TMCO4: variants seen among roughly 807,000 people sequenced by gnomAD.
TMCO4 encodes the protein transmembrane and coiled-coil domains 4, also known as transmembrane and coiled-coil domain-containing protein 4.
In TMCO4, 58 loss-of-function variants were observed where a neutral mutation model predicts 64.7. That is an observed-to-expected ratio of 0.90 (90% CI 0.73 to 1.12). The LOEUF (loss-of-function observed/expected upper bound fraction) is 1.12. Ranked by LOEUF, TMCO4 falls within the 50% of genes most tolerant of loss-of-function variation. The pLI, the probability that TMCO4 is intolerant of heterozygous loss-of-function variation, is 0.00. For synonymous variants in TMCO4, 325 were observed against 346.1 expected, an observed-to-expected ratio of 0.94 and a Z score of 0.68; for missense variants, 780 against 825.9, an observed-to-expected ratio of 0.94 and a Z score of 0.68.
At chr1:19,756,403 G>T (rs1413573944) in intron 6 of TMCO4, among the ~76,000 whole-genome samples, 2 of 151,966 alleles carry the variant, frequency 1.3e-5, no homozygotes, top group African/African-American at 2.4e-5. Flanking sequence ...GAGGGCAACT[G>T]GACAATAAGT....
Position 19,796,042 on chromosome 1 carries a change from CT to C in TMCO4, c.-101+2094del, listed in dbSNP as rs1346795254. Among the ~76,000 whole-genome samples, 4 of 152,362 alleles carry C rather than the reference CT, an allele frequency of 2.6e-5. No homozygotes were observed. The East Asian group carries it at 7.7e-4, about 29-fold the overall frequency. On this transcript the variant is annotated intron_variant, in intron 2 of 15. Transcript: ENST00000294543. Reference sequence around the variant, plus strand: ...GGCTGTTCTCTCCGTCTGGGTCCCCCTGTCCAAATAGTGCCCTTTCCAAAAG... The same window carrying C: ...GGCTGTTCTCTCCGTCTGGGTCCCCCGTCCAAATAGTGCCCTTTCCAAAAG...
Position 19,780,663 on chromosome 1 carries a change from C to T in TMCO4, c.96G>A (p.Arg32=). The change falls in exon 4 of 16, where the codon CGG becomes CGA. Residue 32 remains arginine, a synonymous_variant. Transcript: ENST00000294543. ...AEGEPHLPTG[R]ELTEANRFAY... Reference sequence around the variant, plus strand: ...CGAAGCGGTTGGCCTCAGTCAGCTCCCGGCCCGTGGGCAGGTGTGGCTCCC... The same window carrying T: ...CGAAGCGGTTGGCCTCAGTCAGCTCTCGGCCCGTGGGCAGGTGTGGCTCCC... 1 of 1,613,890 alleles carries T rather than the reference C, an allele frequency of 6.2e-7. No homozygotes were observed. The highest frequency in any genetic ancestry group is 8.5e-7 in the Non-Finnish European group (1 of 1,179,938).
intron 10 of TMCO4, 78 bp from the exon 11 acceptor site, chr1:19,741,019 C>A (rs772855958): frequency 8.5e-6 from 12 of 1,418,428 alleles, no homozygotes; most frequent in Non-Finnish European, 1.1e-5. Flanking sequence ...AGACAAGGAG[C>A]ACCAGGACCA....
At chr1:19,779,893 A>G (rs2043380589) in intron 4 of TMCO4, among the ~76,000 whole-genome samples, 1 of 152,184 alleles carries the variant, frequency 6.6e-6, no homozygotes, top group East Asian at 1.9e-4. Flanking sequence ...TCATACCTGG[A>G]ATACAGTAAG....
At chr1:19,737,341 G>T in intron 13 of TMCO4, 31 bp downstream of exon 13, 1 of 1,600,142 alleles carries the variant, frequency 6.2e-7, no homozygotes, top group Non-Finnish European at 8.6e-7. Flanking sequence ...CTTGTGAAGG[G>T]TTTCCGTCTG....
At chr1:19,748,143 G>A (rs948231860) in intron 7 of TMCO4, among the ~76,000 whole-genome samples, 1 of 152,234 alleles carries the variant, frequency 6.6e-6, no homozygotes, top group Non-Finnish European at 1.5e-5. Flanking sequence ...AGGGATAACA[G>A]TCACTACCTC....
At chr1:19,778,395 T>G (rs2043310154) in intron 4 of TMCO4, among the ~76,000 whole-genome samples, 1 of 152,138 alleles carries the variant, frequency 6.6e-6, no homozygotes, top group Non-Finnish European at 1.5e-5. Flanking sequence ...TGCCTCAGCC[T>G]CCTGAGTGGC....
intron 13 of TMCO4, among the ~76,000 whole-genome samples, chr1:19,733,135 C>A (rs945607721): frequency 2.0e-5 from 3 of 151,938 alleles, no homozygotes; most frequent in African/African-American, 7.2e-5. Flanking sequence ...GGCAATGTTG[C>A]GGGCACGTGT....
At chr1:19,771,233 AT>A (rs2042966448) in intron 5 of TMCO4, 74 bp downstream of exon 5, 2 of 1,529,078 alleles carry the variant, frequency 1.3e-6, no homozygotes, top group African/African-American at 2.7e-5. Flanking sequence ...ACTAGAAGTG[AT>A]TTTTTAGGCT....
intron 6 of TMCO4, among the ~76,000 whole-genome samples, chr1:19,769,140 G>T (rs1040995025): frequency 6.6e-6 from 1 of 152,082 alleles, no homozygotes; most frequent in African/African-American, 2.4e-5. Context: ...CCCTGAAAGG[G>T]TCACTGGAGA....
chr1:19,691,121 G>C lies in TMCO4; in HGVS notation c.1500+3313C>G, dbSNP rs914967700. ...CTGACCTCGTGATCTGCCCGCCTTG[G>C]CCTCCCAAAGTGCTGGGATTACAGG... On this transcript the variant is annotated intron_variant, in intron 15 of 15. Coordinates refer to ENST00000294543, the MANE Select transcript of TMCO4 (RefSeq NM_181719.7). Among the ~76,000 whole-genome samples the C allele has an allele frequency of 2.6e-5, 4 of 152,074 alleles. No individual in the cohort carries two copies. In the East Asian group the frequency reaches 7.7e-4, roughly 29 times the overall value.
intron 15 of TMCO4, among the ~76,000 whole-genome samples, chr1:19,686,548 G>A (rs1013503350): frequency 4.5e-4 from 68 of 152,256 alleles, no homozygotes; most frequent in African/African-American, 1.5e-3. Flanking sequence ...CCCACCTCTC[G>A]TTCCTTTCCT....
chr1:19,699,337 G>A (rs2095256467), intron 14 of TMCO4, among the ~76,000 whole-genome samples: 1 of 151,978 alleles, frequency 6.6e-6, no homozygotes, highest in Admixed American at 6.6e-5. Context: ...GTACAGGAGG[G>A]ACTATTATTC....
rs78559024 is a variant in TMCO4 at position 19,694,936 on chromosome 1, C to T, written c.1383-385G>A. ...GTCACCATGTGGCTCAGGAGAGCTA[C>T]TCCCAGCTCGGGAAAGGTGGCTTGT... On this transcript the variant is annotated intron_variant, in intron 14 of 15. Transcript: ENST00000294543. 7.4e-3 allele frequency among the ~76,000 whole-genome samples: 1,131 copies of T among 152,352 alleles called. 19 individuals carry two copies. The highest frequency in any genetic ancestry group is 0.023 in the African/African-American group (954 of 41,582).
chr1:19,733,717 A>G (rs1324421970), intron 13 of TMCO4, among the ~76,000 whole-genome samples: 3 of 152,180 alleles, frequency 2.0e-5, no homozygotes, highest in African/African-American at 7.2e-5. Flanking sequence ...GGAAAGACAG[A>G]TGAGCAAGCA....
intron 7 of TMCO4, among the ~76,000 whole-genome samples, chr1:19,752,120 C>T (rs76515816): frequency 0.013 from 1,939 of 152,100 alleles, 19 homozygotes; most frequent in Non-Finnish European, 0.019. Context: ...CAGCACTATA[C>T]TCTTGCAATT....
At chr1:19,781,485 G>A (rs2043474344) in intron 3 of TMCO4, among the ~76,000 whole-genome samples, 1 of 149,258 alleles carries the variant, frequency 6.7e-6, no homozygotes, top group South Asian at 2.1e-4. Context: ...AAACCCAATA[G>A]CCAATAAGTA....
intron 6 of TMCO4, among the ~76,000 whole-genome samples, chr1:19,770,010 A>C (rs1396762436): frequency 7.1e-6 from 1 of 140,476 alleles, no homozygotes; most frequent in African/African-American, 2.6e-5. Flanking sequence ...AGCAGAGGTG[A>C]GGCTGGAGCA....
At chr1:19,694,390 A>G (rs1428063254) in intron 15 of TMCO4, 44 bp downstream of exon 15, 4 of 1,568,984 alleles carry the variant, frequency 2.5e-6, no homozygotes, top group Non-Finnish European at 3.5e-6. Context: ...GGCTGGAGCA[A>G]CTAAGCAAAC....
Sources: allele counts gnomAD v4.1 joint callset (sites outside exome capture counted in the v4.1 genomes callset), GRCh38; gene constraint gnomAD v4.1.1; transcripts MANE v1.5; gene names NCBI Gene and HGNC (gene_info 2026-07-23, HGNC 2026-07-21).